Variants in IPO11 observed in about 807,000 individuals in gnomAD.
IPO11 encodes importin 11.
In IPO11, 66 loss-of-function variants were observed where a neutral mutation model predicts 143.2. The observed-to-expected ratio is 0.46, with a 90% confidence interval of 0.38 to 0.57. The LOEUF is 0.57. Among genes scored for constraint, IPO11 ranks in the 20% least tolerant of loss-of-function variants. The pLI is 0.00. For missense variants in IPO11, 1,026 were observed against 1,141.0 expected, an observed-to-expected ratio of 0.90 and a Z score of 1.45; for synonymous variants, 385 against 377.8, an observed-to-expected ratio of 1.02 and a Z score of -0.22.
intron 28 of IPO11, 97 bp from the exon 29 acceptor site, chr5:62,601,667 A>T (rs1012540606): frequency 2.6e-5 from 14 of 529,784 alleles, no homozygotes; most frequent in Admixed American, 1.3e-4. Context: ...AACTAAGAAC[A>T]TAGAATTATT....
At chr5:62,492,080 T>G (rs1431139525) in intron 15 of IPO11, among the ~76,000 whole-genome samples, 1 of 152,220 alleles carries the variant, frequency 6.6e-6, no homozygotes, top group Non-Finnish European at 1.5e-5. Context: ...CCTGGTAATC[T>G]TGTTAAAGTT....
At chr5:62,519,506 C>A (rs1742137115) in intron 20 of IPO11, among the ~76,000 whole-genome samples, 1 of 152,150 alleles carries the variant, frequency 6.6e-6, no homozygotes, top group South Asian at 2.1e-4. Context: ...TTCTTTTATA[C>A]CCCTGTGTCC....
At chr5:62,573,836 C>T (rs1744226011) in intron 27 of IPO11, among the ~76,000 whole-genome samples, 1 of 152,170 alleles carries the variant, frequency 6.6e-6, no homozygotes, top group Admixed American at 6.5e-5. Context: ...CAGTATTGTA[C>T]ATATACCTCT....
intron 27 of IPO11, among the ~76,000 whole-genome samples, chr5:62,588,023 C>T (rs1308698636): frequency 6.6e-6 from 1 of 152,148 alleles, no homozygotes; most frequent in Non-Finnish European, 1.5e-5. Flanking sequence ...ACTGAGGCCT[C>T]GAATCTGCTT....
intron 4 of IPO11, among the ~76,000 whole-genome samples, chr5:62,450,422 A>C (rs190725155): frequency 9.0e-4 from 137 of 152,290 alleles, no homozygotes; most frequent in Middle Eastern, 3.4e-3. Context: ...TGAATATATT[A>C]CTCATTAGTT....
chr5:62,475,217 T>TA (rs995768402), intron 8 of IPO11, among the ~76,000 whole-genome samples: 19 of 150,766 alleles, frequency 1.3e-4, no homozygotes, highest in Admixed American at 5.3e-4. Flanking sequence ...AAAATAGATT[T>TA]AAAAAAAAAG....
At chr5:62,576,869 G>A (rs549423075) in intron 27 of IPO11, among the ~76,000 whole-genome samples, 1 of 152,310 alleles carries the variant, frequency 6.6e-6, no homozygotes, top group Admixed American at 6.5e-5. Flanking sequence ...TCTTGTTTTT[G>A]TATGGGGAGA....
intron 1 of IPO11, among the ~76,000 whole-genome samples, chr5:62,423,352 T>G (rs1236180413): frequency 6.6e-6 from 1 of 152,142 alleles, no homozygotes; most frequent in Non-Finnish European, 1.5e-5. Flanking sequence ...GTAATGGCAT[T>G]TATAGATGAG....
At position 62,551,220 on chromosome 5, in the gene IPO11, C is replaced by T; in HGVS notation, c.2347-3C>T. The T allele has an allele frequency of 6.6e-7, 1 of 1,519,796 alleles. No individual in the cohort carries two copies. Among genetic ancestry groups the T allele is most frequent in the Non-Finnish European group, 9.1e-7 (1 of 1,098,736 alleles). The allele number at this position is 1,519,796 out of a possible 1,614,324, so 94.1% of individuals were successfully genotyped here. ...TTACATGTGTTGTATTTTAATTGTA[C>T]AGAGGTATCCTGTAGTGATGTCCAC... On this transcript the variant is annotated splice_polypyrimidine_tract_variant and splice_region_variant and intron_variant, in intron 25 of 29. Coordinates refer to ENST00000325324, the MANE Select transcript of IPO11 (RefSeq NM_016338.5).
intron 21 of IPO11, among the ~76,000 whole-genome samples, chr5:62,527,652 T>G (rs1413710812): frequency 6.6e-6 from 1 of 152,148 alleles, no homozygotes; most frequent in East Asian, 1.9e-4. Context: ...TGTAGATATT[T>G]TCAAGGGATT....
At chr5:62,430,717 C>T (rs1286118973) in intron 1 of IPO11, among the ~76,000 whole-genome samples, 7 of 146,518 alleles carry the variant, frequency 4.8e-5, no homozygotes, top group African/African-American at 7.6e-5. Flanking sequence ...CTTGTTCTGT[C>T]GCGAGGCTGG....
intron 8 of IPO11, among the ~76,000 whole-genome samples, chr5:62,475,897 G>T (rs1580222630): frequency 6.6e-6 from 1 of 152,210 alleles, no homozygotes; most frequent in East Asian, 1.9e-4. Context: ...ACATACACAT[G>T]TGTGCACACA....
At chr5:62,521,124 G>T (rs974968237) in intron 20 of IPO11, among the ~76,000 whole-genome samples, 1 of 152,222 alleles carries the variant, frequency 6.6e-6, no homozygotes, top group African/African-American at 2.4e-5. Flanking sequence ...CTTTTGCACA[G>T]CTGTTGTAAC....
chr5:62,473,074 G>T (rs1465547744), intron 7 of IPO11, among the ~76,000 whole-genome samples: 2 of 152,048 alleles, frequency 1.3e-5, no homozygotes, highest in Non-Finnish European at 2.9e-5. Flanking sequence ...TCATTGTTCT[G>T]TTGTTACTTT....
At chr5:62,519,588 G>A (rs185905344) in intron 20 of IPO11, among the ~76,000 whole-genome samples, 1 of 152,226 alleles carries the variant, frequency 6.6e-6, no homozygotes, top group African/African-American at 2.4e-5. Context: ...ATTATGTCAT[G>A]ATTAATTTTA....
At chr5:62,538,649 CT>C (rs1265803694) in intron 24 of IPO11, among the ~76,000 whole-genome samples, 1 of 152,216 alleles carries the variant, frequency 6.6e-6, no homozygotes, top group Non-Finnish European at 1.5e-5. Flanking sequence ...TCAATTAAAC[CT>C]CTTTCCTTTA....
intron 24 of IPO11, among the ~76,000 whole-genome samples, chr5:62,539,405 T>A (rs1742849374): frequency 6.6e-6 from 1 of 152,204 alleles, no homozygotes; most frequent in Non-Finnish European, 1.5e-5. Flanking sequence ...GGGACAAAAG[T>A]CATAATTGAT....
At chr5:62,440,037 C>T (rs1363383027) in intron 2 of IPO11, among the ~76,000 whole-genome samples, 2 of 152,198 alleles carry the variant, frequency 1.3e-5, no homozygotes, top group Non-Finnish European at 2.9e-5. Flanking sequence ...CACATTACTT[C>T]CATTCGTTCA....
intron 24 of IPO11, among the ~76,000 whole-genome samples, chr5:62,544,093 A>G (rs1461077640): frequency 1.3e-5 from 2 of 152,168 alleles, no homozygotes; most frequent in Non-Finnish European, 2.9e-5. Context: ...ATCCTCCCTA[A>G]CTCATTTTAT....
Sources: gnomAD v4.1 joint callset for allele counts (sites outside exome capture counted in the v4.1 genomes callset) on GRCh38, gnomAD v4.1.1 for gene constraint, MANE v1.5 for transcripts, NCBI Gene and HGNC (gene_info 2026-07-23, HGNC 2026-07-21) for gene names.